APLF: variants seen among roughly 807,000 people sequenced by gnomAD.
The protein encoded by APLF is aprataxin and PNKP like factor.
A neutral mutation model predicts 55.6 loss-of-function variants in APLF; 61 were observed. The observed-to-expected ratio is 1.10, with a 90% CI of 0.89 to 1.36. The LOEUF (loss-of-function observed/expected upper bound fraction) is 1.36. Among genes scored for constraint, APLF ranks in the 40% most tolerant of loss-of-function variants. The probability of loss-of-function intolerance (pLI) is 0.00; values close to 1 mark genes in which losing one functional copy is unlikely to be tolerated. For synonymous variants in APLF, 207 were observed against 214.8 expected, an observed-to-expected ratio of 0.96 and a Z score of 0.32; for missense variants, 611 against 602.5, an observed-to-expected ratio of 1.01 and a Z score of -0.15.
At position 68,516,494 on chromosome 2, in the gene APLF, G is replaced by T. The variant is rs113765601; in HGVS notation, c.622+2814G>T. Among the ~76,000 whole-genome samples the T allele has an allele frequency of 2.3e-4, 34 of 150,974 alleles. 1 individual carries two copies. Among genetic ancestry groups the T allele is most frequent in the African/African-American group, 7.5e-4 (31 of 41,212 alleles). On this transcript the variant is annotated intron_variant, in intron 5 of 9. Transcript: ENST00000303795. ...GAAACAGGTGGTGTTTGGTTACATG[G>T]ATAAGTTATTTAGTGATGATTTCTG...
Position 68,520,368 on chromosome 2 carries a change from CTT to C in APLF, c.623-5692_623-5691del, listed in dbSNP as rs541393858. On this transcript the variant is annotated intron_variant, in intron 5 of 9. Coordinates refer to ENST00000303795, the MANE Select transcript of APLF (RefSeq NM_173545.3). ...TTTTTATTGCATTTGCTTTTGGGTT[CTT>C]GGTCATGAAGTCTTTTCCTAAGCCA... 2.5e-4 allele frequency among the ~76,000 whole-genome samples: 38 copies of C among 151,910 alleles called. 1 individual carries two copies. The East Asian group carries it at 6.2e-3, about 25-fold the overall frequency.
intron 5 of APLF, among the ~76,000 whole-genome samples, chr2:68,514,965 G>GT (rs1183972709): frequency 2.6e-5 from 4 of 151,650 alleles, no homozygotes; most frequent in African/African-American, 9.7e-5. Flanking sequence ...CTTGAACATT[G>GT]TTTTTTAAAA....
intron 8 of APLF, among the ~76,000 whole-genome samples, chr2:68,547,261 A>T (rs1376686285): frequency 6.6e-6 from 1 of 151,854 alleles, no homozygotes; most frequent in African/African-American, 2.4e-5. Flanking sequence ...AATTATGAAG[A>T]TCAAAATGTT....
chr2:68,551,770 G>A (rs774170828), intron 8 of APLF, among the ~76,000 whole-genome samples: 3 of 129,730 alleles, frequency 2.3e-5, no homozygotes, highest in Non-Finnish European at 3.3e-5. Flanking sequence ...TTTTTTTCTT[G>A]ATTGTTGGGT....
chr2:68,482,783 C>G (rs1238486695), intron 1 of APLF, among the ~76,000 whole-genome samples: 4 of 152,102 alleles, frequency 2.6e-5, no homozygotes, highest in Non-Finnish European at 5.9e-5. Flanking sequence ...GGTATGGACA[C>G]ACAATGATTA....
intron 8 of APLF, among the ~76,000 whole-genome samples, chr2:68,560,995 T>A (rs1234061482): frequency 6.6e-6 from 1 of 152,050 alleles, no homozygotes; most frequent in Non-Finnish European, 1.5e-5. Flanking sequence ...GAAAATATTA[T>A]ATAAATGTGT....
At chr2:68,554,739 A>G (rs13007210) in intron 8 of APLF, among the ~76,000 whole-genome samples, 12,745 of 151,676 alleles carry the variant, frequency 0.084, 595 homozygotes, top group Middle Eastern at 0.12. Flanking sequence ...ATTTGTGTAC[A>G]TTGATTTTGT....
intron 8 of APLF, among the ~76,000 whole-genome samples, chr2:68,555,697 A>G (rs1670987909): frequency 6.6e-6 from 1 of 152,142 alleles, no homozygotes; most frequent in Admixed American, 6.6e-5. Context: ...AAAAATGAAA[A>G]AATAATAAAT....
intron 8 of APLF, among the ~76,000 whole-genome samples, chr2:68,548,504 G>C (rs909965930): frequency 2.6e-5 from 4 of 151,862 alleles, no homozygotes; most frequent in Non-Finnish European, 5.9e-5. Context: ...AGGGACATTA[G>C]ACACACATGC....
chr2:68,533,682 G>A (rs980520836), intron 6 of APLF, among the ~76,000 whole-genome samples: 8 of 152,150 alleles, frequency 5.3e-5, no homozygotes, highest in Non-Finnish European at 1.0e-4. Flanking sequence ...AATGGCTGGG[G>A]GCTGGCTGGG....
intron 1 of APLF, among the ~76,000 whole-genome samples, chr2:68,476,869 T>TG (rs1675792416): frequency 1.3e-5 from 2 of 152,120 alleles, no homozygotes; most frequent in Non-Finnish European, 1.5e-5. Context: ...CTGAACAACA[T>TG]GGGTTTTGAA....
chr2:68,579,079 A>G lies in APLF; in HGVS notation c.*1057A>G. 1.0e-6 allele frequency: 1 copy of G among 981,496 alleles called. No individual in the cohort carries two copies. The highest frequency in any genetic ancestry group is 1.2e-6 in the Non-Finnish European group (1 of 826,380). The allele number at this position is 981,496 out of a possible 1,614,324, so 60.8% of individuals were successfully genotyped here. ...GAGATATTTATTGAAATCATAAATC[A>G]CTAAGCCAAAAGAATCTTTGTTAAA... is the stretch of plus-strand genomic sequence containing the variant. On this transcript the variant is annotated 3_prime_UTR_variant, in exon 10 of 10. Coordinates refer to ENST00000303795, the MANE Select transcript of APLF (RefSeq NM_173545.3).
chr2:68,479,184 T>G (rs1675875793), intron 1 of APLF, among the ~76,000 whole-genome samples: 1 of 152,108 alleles, frequency 6.6e-6, no homozygotes, highest in African/African-American at 2.4e-5. Flanking sequence ...CACAGTACTC[T>G]ATGGAAAAGA....
intron 3 of APLF, among the ~76,000 whole-genome samples, chr2:68,511,665 A>G (rs1294120848): frequency 1.3e-5 from 2 of 151,686 alleles, no homozygotes; most frequent in African/African-American, 4.8e-5. Context: ...AGAAAACTTG[A>G]AAAAAATTAT....
chr2:68,560,426 T>TAGGA (rs1671137381), intron 8 of APLF, among the ~76,000 whole-genome samples: 1 of 151,926 alleles, frequency 6.6e-6, no homozygotes, highest in African/African-American at 2.4e-5. Context: ...CAGGAAATAT[T>TAGGA]AGGGTCAAAT....
intron 5 of APLF, among the ~76,000 whole-genome samples, chr2:68,525,742 C>CTTTCTTTTTTTTTTTTTTTTT (rs1670022603): frequency 3.7e-5 from 3 of 82,036 alleles, no homozygotes; most frequent in African/African-American, 1.9e-4. Flanking sequence ...TTCTTTCTTT[C>CTTTCTTTTTTTTTTTTTTTTT]TTTTTTTTTT....
chr2:68,577,864 A>G lies in APLF; in HGVS notation c.1378A>G (p.Asn460Asp). 1 of 1,613,586 alleles carries G rather than the reference A, an allele frequency of 6.2e-7. No homozygotes were observed. The highest frequency in any genetic ancestry group is 8.5e-7 in the Non-Finnish European group (1 of 1,179,644). ...DEDNDNVGQP[N>D]EYDLNDSFLD... ...AGATAATGATAATGTTGGGCAACCC[A>G]ATGAGTATGACCTGAACGACAGCTT... Residue 460 changes from asparagine (N) to aspartate (D), a missense_variant, in exon 10 of 10, where the codon AAT (asparagine) becomes GAT (aspartate). Asn to Asp is a conservative substitution (Grantham distance 23, BLOSUM62 1). Transcript: ENST00000303795.
Position 68,538,239 on chromosome 2 carries a change from T to C in APLF, c.1160+12T>C, listed in dbSNP as rs755628006. On this transcript the variant is annotated intron_variant, in intron 7 of 9. Transcript: ENST00000303795. ...GCAAACTGCTATAGGTAAAATGAAA[T>C]TACAGTAACATTTAATTCCATTATT... is the stretch of plus-strand genomic sequence containing the variant. The C allele has an allele frequency of 6.4e-7, 1 of 1,570,228 alleles. No homozygotes were observed. The highest frequency in any genetic ancestry group is 2.2e-5 in the East Asian group (1 of 44,612).
chr2:68,550,635 A>G (rs1670833689), intron 8 of APLF, among the ~76,000 whole-genome samples: 1 of 149,674 alleles, frequency 6.7e-6, no homozygotes, highest in Non-Finnish European at 1.5e-5. Flanking sequence ...CCTCTTTTTG[A>G]CTTATTTTGG....
Sources: allele counts gnomAD v4.1 joint callset (sites outside exome capture counted in the v4.1 genomes callset), GRCh38; gene constraint gnomAD v4.1.1; transcripts MANE v1.5; gene names NCBI Gene and HGNC (gene_info 2026-07-23, HGNC 2026-07-21).